The following PDE4D variants were observed in gnomAD, a reference collection of about 807,000 sequenced individuals.
The protein encoded by PDE4D is phosphodiesterase 4D.
Under a neutral mutation model 87.4 loss-of-function variants are expected in PDE4D, and 24 were observed. The ratio of observed to expected loss-of-function variants is 0.27; its 90% CI spans 0.20 to 0.39. The LOEUF (loss-of-function observed/expected upper bound fraction) is 0.39, where lower values mean the gene tolerates loss of function less well. Among genes scored for constraint, PDE4D ranks in the 10% least tolerant of loss-of-function variants. PDE4D has a pLI of 1.00. For missense variants in PDE4D, 714 were observed against 1,041.0 expected, an observed-to-expected ratio of 0.69 and a Z score of 4.32; for synonymous variants, 384 against 383.2, an observed-to-expected ratio of 1.00 and a Z score of -0.02.
At chr5:59,108,052 C>T (rs931304780) in intron 5 of PDE4D, among the ~76,000 whole-genome samples, 2 of 152,178 alleles carry the variant, frequency 1.3e-5, no homozygotes, top group African/African-American at 2.4e-5. Flanking sequence ...CAGGACTGCC[C>T]GGCTGAGCCC....
intron 1 of PDE4D, among the ~76,000 whole-genome samples, chr5:60,372,030 TAG>T (rs368133540): frequency 8.5e-5 from 13 of 152,322 alleles, no homozygotes; most frequent in African/African-American, 3.1e-4. Flanking sequence ...TCAGCCTTCG[TAG>T]ATACTGAAAA....
intron 1 of PDE4D, among the ~76,000 whole-genome samples, chr5:59,512,882 T>A (rs1190902993): frequency 6.6e-6 from 1 of 152,192 alleles, no homozygotes; most frequent in Non-Finnish European, 1.5e-5. Flanking sequence ...TTTCTATTTT[T>A]GAAAAGAAAT....
chr5:59,455,131 C>T lies in PDE4D; in HGVS notation c.456-239163G>A, dbSNP rs571717176. 1.4e-4 allele frequency among the ~76,000 whole-genome samples: 21 copies of T among 152,318 alleles called. No homozygotes were observed. In the South Asian group the frequency reaches 1.7e-3, roughly 12 times the overall value. ...TTCAAGCCAGCTGCAGAAATCTGCA[C>T]AAGTAACGGGGAACCAATTGTTAAC... On this transcript the variant is annotated intron_variant, in intron 1 of 14. Transcript: ENST00000340635.
chr5:59,403,785 T>C (rs1582419261), intron 1 of PDE4D, among the ~76,000 whole-genome samples: 1 of 151,946 alleles, frequency 6.6e-6, no homozygotes, highest in Non-Finnish European at 1.5e-5. Flanking sequence ...TGCAGATATA[T>C]TGATTTCCTT....
chr5:59,276,670 T>C (rs1764879167), intron 1 of PDE4D, among the ~76,000 whole-genome samples: 1 of 152,098 alleles, frequency 6.6e-6, no homozygotes, highest in Non-Finnish European at 1.5e-5. Context: ...GTATTAAGGC[T>C]GTTCCCTTGC....
rs145843321 is a variant in PDE4D at position 59,601,171 on chromosome 5, G to A, written c.455+291997C>T. The stretch of plus-strand genomic sequence containing the variant: ...GATATGTTTGCAGACTAACACATTC[G>A]TAAGAACAGCAGAATAATGAGCTAA... On this transcript the variant is annotated intron_variant, in intron 1 of 14. Transcript: ENST00000340635. Among the ~76,000 whole-genome samples, 506 of 152,248 alleles carry A rather than the reference G, an allele frequency of 3.3e-3. 4 individuals are homozygous for A. Among genetic ancestry groups the A allele is most frequent in the African/African-American group, 0.011 (471 of 41,558 alleles).
chr5:60,003,953 TC>T (rs1373147616), intron 2 of PDE4D, among the ~76,000 whole-genome samples: 1 of 152,102 alleles, frequency 6.6e-6, no homozygotes, highest in African/African-American at 2.4e-5. Flanking sequence ...CAATAAATGT[TC>T]CTGGGAAAAC....
intron 1 of PDE4D, among the ~76,000 whole-genome samples, chr5:59,778,526 C>A (rs78306586): frequency 0.024 from 3,583 of 152,282 alleles, 121 homozygotes; most frequent in African/African-American, 0.071. Flanking sequence ...TAATAACCAC[C>A]ATTTATATCC....
intron 3 of PDE4D, among the ~76,000 whole-genome samples, chr5:59,191,718 G>A (rs1315846979): frequency 7.2e-5 from 11 of 152,010 alleles, no homozygotes; most frequent in Non-Finnish European, 1.0e-4. Context: ...ACAGGCACCC[G>A]TCACCATGCC....
chr5:59,574,370 G>T (rs1056344579), intron 1 of PDE4D, among the ~76,000 whole-genome samples: 2 of 150,798 alleles, frequency 1.3e-5, no homozygotes, highest in Non-Finnish European at 1.5e-5. Context: ...TGTCTTAAAT[G>T]CTGCCTGGGA....
At chr5:59,235,257 C>T (rs147009460) in intron 1 of PDE4D, among the ~76,000 whole-genome samples, 1 of 152,166 alleles carries the variant, frequency 6.6e-6, no homozygotes, top group South Asian at 2.1e-4. Context: ...TCCATCTGTG[C>T]CCCTGATGGT....
chr5:59,215,968 A>G lies in PDE4D; in HGVS notation c.456T>C (p.Arg152=), dbSNP rs1158868493. The change falls in exon 2 of 15, where the codon CGT becomes CGC. Residue 152 remains arginine (R), a splice_region_variant and synonymous_variant. Coordinates refer to ENST00000340635, the MANE Select transcript of PDE4D (RefSeq NM_001104631.2). The part of the protein sequence containing the change: ...SWPSSFQGLR[R]FDVDNGTSAG... ...CAGATGTGCCATTGTCCACATCAAA[A>G]CTGTAAAGGAAGGAGAAGGAATTAT... 6.2e-7 allele frequency: 1 copy of G among 1,604,716 alleles called. No homozygotes were observed. Among genetic ancestry groups the G allele is most frequent in the African/African-American group, 1.3e-5 (1 of 74,674 alleles).
chr5:59,615,058 G>T (rs539246530), intron 1 of PDE4D, among the ~76,000 whole-genome samples: 1 of 152,154 alleles, frequency 6.6e-6, no homozygotes, highest in African/African-American at 2.4e-5. Context: ...TCAAACTCTT[G>T]AGCTCAAGCG....
chr5:60,046,608 G>A (rs1245103570), intron 2 of PDE4D, among the ~76,000 whole-genome samples: 26 of 152,234 alleles, frequency 1.7e-4, no homozygotes, highest in Middle Eastern at 3.4e-3. Context: ...GGCCTTTTCT[G>A]CATCTATTGA....
At chr5:59,914,867 GTGTGTGT>G (rs1463706663) in intron 3 of PDE4D, among the ~76,000 whole-genome samples, 1 of 16,146 alleles carries the variant, frequency 6.2e-5, no homozygotes, top group Non-Finnish European at 3.0e-4. Flanking sequence ...ACTGATAGGG[GTGTGTGT>G]GTGTGTGTGT....
chr5:58,992,008 G>A lies in PDE4D; in HGVS notation c.1016-4C>T. The A allele has an allele frequency of 1.3e-6, 2 of 1,519,448 alleles. No homozygotes were observed. The highest frequency in any genetic ancestry group is 1.4e-5 in the African/African-American group (1 of 71,480). 94.1% of individuals were successfully genotyped at this position (1,519,448 alleles called of 1,614,324 possible). A position where few individuals can be genotyped will look rare whatever the true frequency, so the allele number is the denominator to read the frequency against. On this transcript the variant is annotated splice_region_variant and splice_polypyrimidine_tract_variant and intron_variant, in intron 7 of 14. Transcript: ENST00000340635. ...ATTTCCACTTCATGTTGCTTATCTT[G>A]AGAAATTTAGAAAATGTTCTATATT...
chr5:59,699,073 A>G (rs559154078), intron 1 of PDE4D, among the ~76,000 whole-genome samples: 2 of 152,310 alleles, frequency 1.3e-5, no homozygotes, highest in Non-Finnish European at 2.9e-5. Flanking sequence ...GACTTTGACC[A>G]TTTGAGATTT....
chr5:59,995,321 C>CTTTTT (rs70975357), intron 2 of PDE4D, among the ~76,000 whole-genome samples: 4 of 140,178 alleles, frequency 2.9e-5, no homozygotes, highest in Middle Eastern at 3.6e-3. Context: ...TTCTTTCTTT[C>CTTTTT]TTTTTTTTTT....
chr5:60,258,498 G>A (rs914298886), intron 1 of PDE4D, among the ~76,000 whole-genome samples: 7 of 151,916 alleles, frequency 4.6e-5, no homozygotes, highest in African/African-American at 1.7e-4. Context: ...AATGAATTTG[G>A]AATGTTCATA....
Sources: allele counts gnomAD v4.1 joint callset (sites outside exome capture counted in the v4.1 genomes callset), GRCh38; gene constraint gnomAD v4.1.1; transcripts MANE v1.5; gene names NCBI Gene and HGNC (gene_info 2026-07-23, HGNC 2026-07-21).